The following TRPA1 variants were observed in gnomAD, a reference collection of about 807,000 sequenced individuals.
TRPA1 encodes ankyrin-like with transmembrane domains 1.
A neutral mutation model predicts 131.3 loss-of-function variants in TRPA1; 129 were observed. The ratio of observed to expected loss-of-function variants is 0.98; its 90% CI spans 0.85 to 1.14. The LOEUF (loss-of-function observed/expected upper bound fraction) is 1.14. Among genes scored for constraint, TRPA1 ranks in the 50% most tolerant of loss-of-function variants. The pLI is 0.00. For missense variants in TRPA1, 1,304 were observed against 1,354.2 expected, an observed-to-expected ratio of 0.96 and a Z score of 0.58; for synonymous variants, 441 against 451.7, an observed-to-expected ratio of 0.98 and a Z score of 0.30.
At chr8:72,066,773 G>T (rs1805941443) in intron 3 of TRPA1, among the ~76,000 whole-genome samples, 1 of 152,108 alleles carries the variant, frequency 6.6e-6, no homozygotes, top group African/African-American at 2.4e-5. Context: ...TGCCCTCTTA[G>T]AATCATAGAT....
At chr8:72,054,138 T>C (rs1373673794) in intron 12 of TRPA1, 3 of 451,424 alleles carry the variant, frequency 6.6e-6, no homozygotes, top group Non-Finnish European at 1.2e-5. Flanking sequence ...CACTTTGGGG[T>C]AGGAGAAGTA....
chr8:72,024,006 A>G (rs1585829077), intron 25 of TRPA1, 95 bp from the exon 26 acceptor site: 3 of 789,174 alleles, frequency 3.8e-6, no homozygotes, highest in Admixed American at 1.8e-5. Flanking sequence ...TGGTACCAAT[A>G]TGCATAAGGC....
chr8:72,036,024 AAAAAAAG>A (rs1457047725), intron 21 of TRPA1, among the ~76,000 whole-genome samples: 2 of 150,072 alleles, frequency 1.3e-5, no homozygotes, highest in Admixed American at 6.6e-5. Flanking sequence ...AAAAAAAAAA[AAAAAAAG>A]AAGAAGAAGA....
chr8:72,038,127 A>G lies in TRPA1; in HGVS notation c.2296-55T>C, dbSNP rs1324573758. The G allele has an allele frequency of 4.5e-6, 4 of 893,562 alleles. No homozygotes were observed. The Middle Eastern group carries it at 6.8e-4, about 152-fold the overall frequency. The allele number at this position is 893,562 out of a possible 1,614,324, so 55.4% of individuals were successfully genotyped here. On this transcript the variant is annotated intron_variant, in intron 19 of 26. Coordinates refer to ENST00000262209, the MANE Select transcript of TRPA1 (RefSeq NM_007332.3). Reference sequence around the variant, plus strand: ...TATGAGAGATATAAAACACTTTAACATTTCCATAATTTTCACTATTAAATT... The same window carrying G: ...TATGAGAGATATAAAACACTTTAACGTTTCCATAATTTTCACTATTAAATT...
At chr8:72,052,999 GATAGAGAA>G (rs1484558640) in intron 13 of TRPA1, 11 of 347,518 alleles carry the variant, frequency 3.2e-5, no homozygotes, top group African/African-American at 2.6e-4. Context: ...GTGTGTGAGA[GATAGAGAA>G]AGAGAGAGAG....
chr8:72,023,310 T>A, intron 26 of TRPA1, 194 bp from the exon 27 acceptor site: 1 of 657,338 alleles, frequency 1.5e-6, no homozygotes, highest in South Asian at 1.8e-5. Flanking sequence ...GTTACACTGT[T>A]AGTTCATGGC....
At position 72,046,556 on chromosome 8, in the gene TRPA1, GT is replaced by G. The variant is rs748693374; in HGVS notation, c.2017del (p.Thr673HisfsTer23). The part of the protein sequence containing the change: ...LQCPLEFTKK[T>X]PTQDVIYEPL... ...TTCATATATAACATCCTGTGTAGGT[GT>G]TTTTTTGGTGAATTCTAATGGACAT... On this transcript the variant is annotated frameshift_variant, in exon 17 of 27. Coordinates refer to ENST00000262209, the MANE Select transcript of TRPA1 (RefSeq NM_007332.3). LOFTEE classifies it high-confidence loss of function. 1.8e-5 allele frequency: 29 copies of G among 1,599,530 alleles called. No individual in the cohort carries two copies. The highest frequency in any genetic ancestry group is 2.2e-5 in the Non-Finnish European group (26 of 1,169,914).
At chr8:72,078,687 G>A (rs1806233244), upstream of TRPA1, among the ~76,000 whole-genome samples, 1 of 151,924 alleles carries the variant, frequency 6.6e-6, no homozygotes, top group African/African-American at 2.4e-5. Context: ...TTTCCAGTTT[G>A]GGTCTATTAT....
At chr8:72,058,895 A>G (rs896536226) in intron 8 of TRPA1, among the ~76,000 whole-genome samples, 2 of 152,146 alleles carry the variant, frequency 1.3e-5, no homozygotes, top group Non-Finnish European at 2.9e-5. Flanking sequence ...TCCACTTCCC[A>G]GAGTGAAAAA....
At chr8:72,053,283 T>C (rs1338262905) in intron 13 of TRPA1, 11 of 203,604 alleles carry the variant, frequency 5.4e-5, no homozygotes, top group Non-Finnish European at 1.1e-4. Flanking sequence ...AAGACTTTTT[T>C]TTTTTGAAAA....
At chr8:72,031,649 C>G (rs1180550735) in intron 23 of TRPA1, among the ~76,000 whole-genome samples, 1 of 151,548 alleles carries the variant, frequency 6.6e-6, no homozygotes, top group Non-Finnish European at 1.5e-5. Context: ...AACCCCAAAA[C>G]TAACCATTTC....
At position 72,075,355 on chromosome 8, in the gene TRPA1, C is replaced by G. The variant is rs542003983; in HGVS notation, c.55G>C (p.Gly19Arg). The stretch of plus-strand genomic sequence containing the variant: ...TCCGGCACATCCTCATAGACAACGC[C>G]CTGGGGCTCCTTCTTTTCTCCAGGG... ...WRPGEKKEPQ[G>R]VVYEDVPDDT... Residue 19 changes from glycine to arginine, a missense_variant, in exon 1 of 27, where the codon GGC becomes CGC. Transcript: ENST00000262209. 9.9e-5 allele frequency: 159 copies of G among 1,612,708 alleles called. 1 individual carries two copies. The South Asian group carries it at 1.6e-3, about 16-fold the overall frequency.
At chr8:72,034,401 T>A (rs200402139) in intron 21 of TRPA1, 24 bp from the exon 22 acceptor site, 31 of 1,304,234 alleles carry the variant, frequency 2.4e-5, no homozygotes, top group African/African-American at 4.5e-5. Context: ...AAAAAAAAAA[T>A]TTACTCACTT....
At chr8:72,074,728 G>T (rs1806136384) in intron 1 of TRPA1, among the ~76,000 whole-genome samples, 1 of 152,102 alleles carries the variant, frequency 6.6e-6, no homozygotes, top group Admixed American at 6.5e-5. Flanking sequence ...TCTTCAAAAG[G>T]TCACCTCCCC....
chr8:72,045,665 A>G (rs554283899), intron 17 of TRPA1, among the ~76,000 whole-genome samples: 1 of 151,362 alleles, frequency 6.6e-6, no homozygotes, highest in Admixed American at 6.6e-5. Context: ...TATTTACACA[A>G]TTGTGGGCTG....
chr8:72,060,339 C>T (rs1399286713), intron 7 of TRPA1: 3 of 152,026 alleles, frequency 2.0e-5, no homozygotes, highest in African/African-American at 7.2e-5. Context: ...TGAGATTCAT[C>T]TTAAAGATTT....
At position 72,052,778 on chromosome 8, in the gene TRPA1, AAC is replaced by A. The variant is rs1805545350; in HGVS notation, c.1645-15_1645-14del. 17 of 1,612,154 alleles carry A rather than the reference AAC, an allele frequency of 1.1e-5. No homozygotes were observed. Among genetic ancestry groups the A allele is most frequent in the Non-Finnish European group, 1.4e-5 (17 of 1,179,720 alleles). ...GAAGTGCAGTGTTCTTTTGAAGAAA[AAC>A]AGACACAGAAAACGTGGTGACAGTG... On this transcript the variant is annotated splice_polypyrimidine_tract_variant and intron_variant, in intron 13 of 26. Coordinates refer to ENST00000262209, the MANE Select transcript of TRPA1 (RefSeq NM_007332.3).
intron 3 of TRPA1, among the ~76,000 whole-genome samples, chr8:72,067,636 G>A (rs1585888635): frequency 6.6e-6 from 1 of 152,192 alleles, no homozygotes; most frequent in Non-Finnish European, 1.5e-5. Context: ...TAATAGGTAT[G>A]TGTTCTTGAA....
At chr8:72,063,049 C>T in intron 5 of TRPA1, 105 bp from the exon 6 acceptor site, 1 of 1,102,104 alleles carries the variant, frequency 9.1e-7, no homozygotes, top group Non-Finnish European at 1.3e-6. Context: ...TGAAAGGGCA[C>T]CGAGACACAT....
Sources: gnomAD v4.1 joint callset for allele counts (sites outside exome capture counted in the v4.1 genomes callset) on GRCh38, gnomAD v4.1.1 for gene constraint, MANE v1.5 for transcripts, NCBI Gene and HGNC (gene_info 2026-07-23, HGNC 2026-07-21) for gene names.